Variants in AKAP6 observed in about 807,000 individuals in gnomAD.
The protein encoded by AKAP6 is A-kinase anchor protein 6.
AKAP6 carries 58 observed loss-of-function variants against 188.5 expected under a neutral mutation model. The observed-to-expected ratio is 0.31, with a 90% CI of 0.25 to 0.38. AKAP6 has a LOEUF of 0.38. Among genes scored for constraint, AKAP6 ranks in the 10% least tolerant of loss-of-function variants. The pLI, the probability that AKAP6 is intolerant of heterozygous loss-of-function variation, is 1.00. For synonymous variants in AKAP6, 989 were observed against 998.6 expected, an observed-to-expected ratio of 0.99 and a Z score of 0.18; for missense variants, 2,710 against 2,740.0, an observed-to-expected ratio of 0.99 and a Z score of 0.24.
chr14:32,354,927 T>G (rs1887428837), intron 1 of AKAP6, among the ~76,000 whole-genome samples: 1 of 152,178 alleles, frequency 6.6e-6, no homozygotes, highest in Non-Finnish European at 1.5e-5. Flanking sequence ...TCAGTTCAGT[T>G]CAGGTGCCCT....
At chr14:32,719,095 T>C (rs2030389299) in intron 9 of AKAP6, among the ~76,000 whole-genome samples, 1 of 152,110 alleles carries the variant, frequency 6.6e-6, no homozygotes, top group African/African-American at 2.4e-5. Context: ...CAAGAAAAAC[T>C]CCATAGCATT....
intron 2 of AKAP6, among the ~76,000 whole-genome samples, chr14:32,508,451 C>G (rs1880984770): frequency 6.6e-6 from 1 of 152,124 alleles, no homozygotes; most frequent in Admixed American, 6.5e-5. Context: ...TTCTGAAGAT[C>G]CGGTTGCAGG....
intron 11 of AKAP6, among the ~76,000 whole-genome samples, chr14:32,739,323 A>G (rs897588653): frequency 3.3e-5 from 5 of 152,104 alleles, no homozygotes; most frequent in Non-Finnish European, 7.4e-5. Flanking sequence ...TAATCACGTC[A>G]TGGAGAATGG....
At chr14:32,445,706 G>T (rs190089097) in intron 2 of AKAP6, among the ~76,000 whole-genome samples, 2 of 152,100 alleles carry the variant, frequency 1.3e-5, no homozygotes, top group African/African-American at 4.8e-5. Flanking sequence ...TATGGTGTCT[G>T]TCATAACATA....
At chr14:32,731,797 G>A (rs1356030070) in intron 9 of AKAP6, among the ~76,000 whole-genome samples, 1 of 152,026 alleles carries the variant, frequency 6.6e-6, no homozygotes, top group Admixed American at 6.6e-5. Context: ...ACATCTTTTA[G>A]GAGAGACTCT....
chr14:32,561,754 A>G (rs1409839158), intron 4 of AKAP6, among the ~76,000 whole-genome samples: 2 of 152,242 alleles, frequency 1.3e-5, no homozygotes, highest in Non-Finnish European at 2.9e-5. Flanking sequence ...CAGTGGTGAC[A>G]GTAAACAAGT....
chr14:32,699,325 C>G (rs1486534833), intron 9 of AKAP6, among the ~76,000 whole-genome samples: 1 of 152,106 alleles, frequency 6.6e-6, no homozygotes, highest in Non-Finnish European at 1.5e-5. Flanking sequence ...TTAGGCTAAT[C>G]CAAAGCCAGC....
Position 32,569,969 on chromosome 14 carries a change from C to T in AKAP6, c.2347-7151C>T, listed in dbSNP as rs565717611. 5.9e-5 allele frequency among the ~76,000 whole-genome samples: 9 copies of T among 152,072 alleles called. No individual in the cohort carries two copies. The South Asian group carries it at 6.2e-4, about 11-fold the overall frequency. ...CGTGATGCCCTCCAGATCCACTGGT[C>T]GGGTAGCTGGGTGGTGAAATTCTTG... On this transcript the variant is annotated intron_variant, in intron 4 of 13. Transcript: ENST00000280979.
At chr14:32,742,856 A>G (rs2031738278) in intron 11 of AKAP6, among the ~76,000 whole-genome samples, 1 of 152,130 alleles carries the variant, frequency 6.6e-6, no homozygotes, top group Non-Finnish European at 1.5e-5. Context: ...CTCTTGGATG[A>G]AAAGTTCTGA....
intron 1 of AKAP6, among the ~76,000 whole-genome samples, chr14:32,391,907 GA>G (rs1372963355): frequency 6.6e-6 from 1 of 152,096 alleles, no homozygotes; most frequent in Non-Finnish European, 1.5e-5. Flanking sequence ...ATATGGGAGG[GA>G]AAAAGTGGAG....
chr14:32,713,461 ATT>A (rs34893013), intron 9 of AKAP6, among the ~76,000 whole-genome samples: 10 of 151,082 alleles, frequency 6.6e-5, no homozygotes, highest in East Asian at 5.9e-4. Flanking sequence ...CCTAGATGGC[ATT>A]TTTTTTTTTC....
At chr14:32,504,647 A>T (rs1880774235) in intron 2 of AKAP6, among the ~76,000 whole-genome samples, 1 of 152,164 alleles carries the variant, frequency 6.6e-6, no homozygotes, top group South Asian at 2.1e-4. Context: ...ATTTTTAGTC[A>T]ATTATTGAGT....
intron 2 of AKAP6, among the ~76,000 whole-genome samples, chr14:32,479,242 C>G (rs1879219594): frequency 6.6e-6 from 1 of 151,834 alleles, no homozygotes; most frequent in South Asian, 2.1e-4. Context: ...TGACTTACAC[C>G]AAGTAAACAT....
At chr14:32,617,556 C>A (rs980637049) in intron 7 of AKAP6, among the ~76,000 whole-genome samples, 1 of 152,190 alleles carries the variant, frequency 6.6e-6, no homozygotes, top group African/African-American at 2.4e-5. Flanking sequence ...TATTCTTGAA[C>A]AAAATGCTTG....
chr14:32,414,645 C>T (rs931110843), intron 1 of AKAP6, among the ~76,000 whole-genome samples: 2 of 152,052 alleles, frequency 1.3e-5, no homozygotes, highest in South Asian at 2.1e-4. Context: ...TAGCTCTACT[C>T]GAATGGGTAT....
chr14:32,399,991 T>A (rs561960780), intron 1 of AKAP6, among the ~76,000 whole-genome samples: 5 of 152,214 alleles, frequency 3.3e-5, no homozygotes, highest in African/African-American at 1.2e-4. Context: ...GAGGATGTGT[T>A]CTTACCAAGA....
At chr14:32,600,922 T>C (rs1333775866) in intron 7 of AKAP6, 130 bp downstream of exon 7, 3 of 727,686 alleles carry the variant, frequency 4.1e-6, no homozygotes, top group Non-Finnish European at 6.0e-6. Flanking sequence ...TCTCTCTATA[T>C]ATATATAAAC....
intron 11 of AKAP6, among the ~76,000 whole-genome samples, chr14:32,747,699 A>C (rs796351047): frequency 6.0e-4 from 92 of 152,348 alleles, no homozygotes; most frequent in African/African-American, 2.1e-3. Flanking sequence ...TAATATAAAT[A>C]AATATTATTC....
At chr14:32,600,148 A>C (rs1594773847) in intron 6 of AKAP6, among the ~76,000 whole-genome samples, 1 of 152,226 alleles carries the variant, frequency 6.6e-6, no homozygotes, top group East Asian at 1.9e-4. Context: ...ACAGCTAAAT[A>C]GGAAAAAGAC....
Sources: allele counts gnomAD v4.1 joint callset (sites outside exome capture counted in the v4.1 genomes callset), GRCh38; gene constraint gnomAD v4.1.1; transcripts MANE v1.5; gene names NCBI Gene and HGNC (gene_info 2026-07-23, HGNC 2026-07-21).